ASCC3: variants seen among roughly 807,000 people sequenced by gnomAD.
ASCC3 encodes the protein ASC-1 complex subunit P200.
Under a neutral mutation model 256.3 loss-of-function variants are expected in ASCC3, and 158 were observed. The ratio of observed to expected loss-of-function variants is 0.62; its 90% confidence interval spans 0.54 to 0.70. The LOEUF (loss-of-function observed/expected upper bound fraction) is 0.70, where lower values mean the gene tolerates loss of function less well. Ranked by LOEUF, ASCC3 falls within the 30% of genes least tolerant of loss-of-function variation. ASCC3 has a pLI of 0.00. For synonymous variants in ASCC3, 948 were observed against 883.4 expected (o/e 1.07, Z -1.30); for missense variants, 2,259 against 2,626.0 (o/e 0.86, Z 3.05).
intron 8 of ASCC3, 78 bp from the exon 9 acceptor site, chr6:100,767,423 ATTTCC>A (rs1385922579): frequency 7.1e-7 from 1 of 1,414,030 alleles, no homozygotes; most frequent in Admixed American, 1.7e-5. Context: ...GTTAACATTT[ATTTCC>A]TTTGTTTTTT....
At chr6:100,517,969 C>T in intron 38 of ASCC3, 22 bp downstream of exon 38, 4 of 1,610,242 alleles carry the variant, frequency 2.5e-6, no homozygotes, top group Non-Finnish European at 2.5e-6. Flanking sequence ...AAAACAATTA[C>T]ATTGAAAAGT....
chr6:100,798,867 A>G, intron 7 of ASCC3, 29 bp from the exon 8 acceptor site: 1 of 1,565,816 alleles, frequency 6.4e-7, no homozygotes, highest in South Asian at 1.1e-5. Flanking sequence ...AAAATCCAAT[A>G]ATAATAAAAA....
intron 26 of ASCC3, 117 bp downstream of exon 26, chr6:100,631,010 GT>G (rs2114866238): frequency 1.4e-5 from 10 of 723,596 alleles, no homozygotes; most frequent in Non-Finnish European, 2.3e-5. Flanking sequence ...CCATTCAGCA[GT>G]TAAATAAAAG....
intron 16 of ASCC3, among the ~76,000 whole-genome samples, chr6:100,657,450 TGA>T (rs1041079221): frequency 2.6e-5 from 4 of 151,610 alleles, no homozygotes; most frequent in East Asian, 3.9e-4. Context: ...GCTAAAAATC[TGA>T]GAGTGTCTCT....
At chr6:100,625,614 T>TA (rs1286895532) in intron 29 of ASCC3, among the ~76,000 whole-genome samples, 2 of 152,056 alleles carry the variant, frequency 1.3e-5, no homozygotes, top group Non-Finnish European at 2.9e-5. Flanking sequence ...AGGAGAAACT[T>TA]AAAGACTGAG....
chr6:100,600,741 G>A (rs939529322), intron 34 of ASCC3, among the ~76,000 whole-genome samples: 1 of 151,948 alleles, frequency 6.6e-6, no homozygotes, highest in African/African-American at 2.4e-5. Flanking sequence ...TGTATCTAAG[G>A]TCCTCATCAT....
At chr6:100,735,435 G>A (rs537852880) in intron 10 of ASCC3, among the ~76,000 whole-genome samples, 5 of 121,194 alleles carry the variant, frequency 4.1e-5, no homozygotes, top group Non-Finnish European at 8.6e-5. Context: ...TTGTTTGATT[G>A]CTAGTGATGT....
chr6:100,801,440 G>A (rs1446992619), intron 5 of ASCC3, among the ~76,000 whole-genome samples: 1 of 149,980 alleles, frequency 6.7e-6, no homozygotes, highest in African/African-American at 2.5e-5. Flanking sequence ...GCAGAAGAGA[G>A]AAGGAATTAA....
intron 25 of ASCC3, among the ~76,000 whole-genome samples, chr6:100,633,741 G>A (rs1218761765): frequency 6.6e-6 from 1 of 151,920 alleles, no homozygotes; most frequent in Non-Finnish European, 1.5e-5. Context: ...AGGCGTGGTG[G>A]CTCATGCCTG....
At chr6:100,768,133 T>C (rs1424774642) in intron 8 of ASCC3, among the ~76,000 whole-genome samples, 2 of 152,188 alleles carry the variant, frequency 1.3e-5, no homozygotes, top group African/African-American at 4.8e-5. Context: ...AAAACCTTTT[T>C]TTAAAACGCA....
At chr6:100,547,820 C>T (rs1383212353) in intron 36 of ASCC3, among the ~76,000 whole-genome samples, 2 of 151,686 alleles carry the variant, frequency 1.3e-5, no homozygotes, top group Non-Finnish European at 2.9e-5. Context: ...AGGTGTATGT[C>T]CATACAACAA....
intron 10 of ASCC3, among the ~76,000 whole-genome samples, chr6:100,744,847 A>T (rs1453180114): frequency 1.3e-5 from 2 of 152,234 alleles, no homozygotes; most frequent in Non-Finnish European, 2.9e-5. Flanking sequence ...GAGAATTCTC[A>T]CCATATGTTT....
At chr6:100,515,039 A>T (rs1415744597) in intron 39 of ASCC3, among the ~76,000 whole-genome samples, 1 of 152,170 alleles carries the variant, frequency 6.6e-6, no homozygotes, top group African/African-American at 2.4e-5. Context: ...TTGGTTTTAA[A>T]GATAACAGAA....
intron 14 of ASCC3, among the ~76,000 whole-genome samples, chr6:100,665,583 A>AAC (rs1776426757): frequency 6.7e-6 from 1 of 149,528 alleles, no homozygotes. Context: ...CAAACAAACA[A>AAC]AAAAAAAATA....
chr6:100,843,207 AG>A (rs1388242104), intron 4 of ASCC3, among the ~76,000 whole-genome samples: 1 of 152,178 alleles, frequency 6.6e-6, no homozygotes, highest in African/African-American at 2.4e-5. Context: ...AAATTTTCAA[AG>A]GATGATAGAA....
chr6:100,793,686 C>G (rs77567715), intron 8 of ASCC3, among the ~76,000 whole-genome samples: 4 of 151,666 alleles, frequency 2.6e-5, no homozygotes, highest in Non-Finnish European at 2.9e-5. Flanking sequence ...ACTAAATTTC[C>G]TTAATACAAG....
chr6:100,763,967 T>TTTTGG (rs1209776779), intron 10 of ASCC3, among the ~76,000 whole-genome samples: 1 of 151,904 alleles, frequency 6.6e-6, no homozygotes, highest in Non-Finnish European at 1.5e-5. Context: ...AGTAGATTTT[T>TTTTGG]TTGGTTTTAC....
At chr6:100,568,779 T>G (rs920780731) in intron 36 of ASCC3, among the ~76,000 whole-genome samples, 7 of 147,636 alleles carry the variant, frequency 4.7e-5, no homozygotes, top group African/African-American at 1.7e-4. Flanking sequence ...TTATTATTAT[T>G]ATTATTATTA....
intron 2 of ASCC3, among the ~76,000 whole-genome samples, chr6:100,866,412 T>A (rs1773480746): frequency 6.6e-6 from 1 of 152,218 alleles, no homozygotes; most frequent in South Asian, 2.1e-4. Flanking sequence ...ACCACAGTAA[T>A]TTAAAGATTA....
Sources: allele counts gnomAD v4.1 joint callset (sites outside exome capture counted in the v4.1 genomes callset), GRCh38; gene constraint gnomAD v4.1.1; transcripts MANE v1.5; gene names NCBI Gene and HGNC (gene_info 2026-07-23, HGNC 2026-07-21).